Variants in TMEM108 observed in about 807,000 individuals in gnomAD.
TMEM108 encodes the protein cancer/testis antigen 124.
A neutral mutation model predicts 35.1 loss-of-function variants in TMEM108; 12 were observed. That is an observed-to-expected ratio of 0.34 (90% confidence interval 0.22 to 0.55). The LOEUF is 0.55. Ranked by LOEUF, TMEM108 falls within the 20% of genes least tolerant of loss-of-function variation. TMEM108 has a pLI of 0.89. For synonymous variants in TMEM108, 287 were observed against 308.6 expected, an observed-to-expected ratio of 0.93 and a Z score of 0.73; for missense variants, 680 against 753.3, an observed-to-expected ratio of 0.90 and a Z score of 1.14.
chr3:133,371,220 G>A (rs116011376), intron 3 of TMEM108, among the ~76,000 whole-genome samples: 1,741 of 152,242 alleles, frequency 0.011, 41 homozygotes, highest in African/African-American at 0.039. Context: ...ACAAACCACT[G>A]CAAAACATAG....
chr3:133,191,178 T>A (rs1945492431), intron 2 of TMEM108, among the ~76,000 whole-genome samples: 1 of 152,142 alleles, frequency 6.6e-6, no homozygotes, highest in South Asian at 2.1e-4. Flanking sequence ...CTATAAGCAA[T>A]ACAACCATGC....
At chr3:133,158,493 A>G (rs1421940816) in intron 2 of TMEM108, among the ~76,000 whole-genome samples, 1 of 151,688 alleles carries the variant, frequency 6.6e-6, no homozygotes, top group Non-Finnish European at 1.5e-5. Flanking sequence ...AAAAAAAGAA[A>G]AGAAAGAAAT....
chr3:133,345,888 G>A (rs2071803954), intron 3 of TMEM108, among the ~76,000 whole-genome samples: 1 of 151,916 alleles, frequency 6.6e-6, no homozygotes, highest in African/African-American at 2.4e-5. Context: ...GAGTAATACA[G>A]TATGTAGCCT....
intron 2 of TMEM108, among the ~76,000 whole-genome samples, chr3:133,118,043 G>T (rs1944308767): frequency 6.6e-6 from 1 of 152,116 alleles, no homozygotes; most frequent in African/African-American, 2.4e-5. Context: ...AGGTTGTCTG[G>T]TTTTGGGGAG....
At chr3:133,259,695 T>C (rs1054806875) in intron 3 of TMEM108, among the ~76,000 whole-genome samples, 1 of 152,202 alleles carries the variant, frequency 6.6e-6, no homozygotes, top group Non-Finnish European at 1.5e-5. Flanking sequence ...AAGAGTACCT[T>C]TGGGTCCCGA....
Position 133,373,854 on chromosome 3 carries a change from C to T in TMEM108, c.41-5898C>T, listed in dbSNP as rs561690220. Among the ~76,000 whole-genome samples, 4 of 152,228 alleles carry T rather than the reference C, an allele frequency of 2.6e-5. No homozygotes were observed. In the South Asian group the frequency reaches 8.3e-4, roughly 32 times the overall value. Reference sequence around the variant, plus strand: ...AGCAGTAACAATCATTTATTTTGTTCAAAAATCTTAGGGTTGACCAGGCTC... The same window carrying T: ...AGCAGTAACAATCATTTATTTTGTTTAAAAATCTTAGGGTTGACCAGGCTC... On this transcript the variant is annotated intron_variant, in intron 3 of 5. Transcript: ENST00000321871.
chr3:133,202,941 A>G (rs145425608), intron 2 of TMEM108, among the ~76,000 whole-genome samples: 245 of 152,160 alleles, frequency 1.6e-3, no homozygotes, highest in African/African-American at 5.5e-3. Context: ...ATGTTTTTCC[A>G]TTTGTTTGTG....
intron 2 of TMEM108, among the ~76,000 whole-genome samples, chr3:133,133,776 T>C (rs1944525324): frequency 6.6e-6 from 1 of 151,244 alleles, no homozygotes; most frequent in Non-Finnish European, 1.5e-5. Context: ...CTGCAAACTC[T>C]GCCTCCCAGG....
chr3:133,378,601 A>G (rs1194610613), intron 3 of TMEM108: 7 of 946,478 alleles, frequency 7.4e-6, no homozygotes, highest in African/African-American at 1.8e-5. Flanking sequence ...CCTCAGCCGT[A>G]GAGACAGGCT....
chr3:133,246,513 C>A (rs1298548021), intron 3 of TMEM108: 1 of 151,616 alleles, frequency 6.6e-6, no homozygotes, highest in Non-Finnish European at 1.5e-5. Flanking sequence ...ATTCTCACAG[C>A]GTCCACAGAG....
At chr3:133,088,751 G>A (rs934289832) in intron 2 of TMEM108, among the ~76,000 whole-genome samples, 3 of 152,272 alleles carry the variant, frequency 2.0e-5, no homozygotes, top group Middle Eastern at 3.4e-3. Flanking sequence ...AAGAGCTGTG[G>A]CATTATGACA....
chr3:133,202,708 G>A (rs1945688596), intron 2 of TMEM108, among the ~76,000 whole-genome samples: 1 of 152,140 alleles, frequency 6.6e-6, no homozygotes, highest in Admixed American at 6.5e-5. Flanking sequence ...TTGTAGTATA[G>A]TTTGAAGTCA....
At chr3:133,200,820 T>C (rs543166209) in intron 2 of TMEM108, among the ~76,000 whole-genome samples, 202 of 152,352 alleles carry the variant, frequency 1.3e-3, no homozygotes, top group African/African-American at 4.6e-3. Flanking sequence ...CACATGTAGC[T>C]GTTTAAATGT....
intron 3 of TMEM108, among the ~76,000 whole-genome samples, chr3:133,236,157 A>G (rs577247874): frequency 1.8e-4 from 27 of 152,278 alleles, no homozygotes; most frequent in East Asian, 1.7e-3. Flanking sequence ...AGTGTTTGCT[A>G]TACACCCAGA....
At chr3:133,355,861 T>C (rs766680846) in intron 3 of TMEM108, among the ~76,000 whole-genome samples, 36 of 152,188 alleles carry the variant, frequency 2.4e-4, no homozygotes, top group African/African-American at 7.7e-4. Flanking sequence ...CATTGTGACA[T>C]AGTTTAATTG....
chr3:133,096,632 C>T (rs969996650), intron 2 of TMEM108, among the ~76,000 whole-genome samples: 17 of 152,134 alleles, frequency 1.1e-4, no homozygotes, highest in Non-Finnish European at 2.1e-4. Flanking sequence ...TGTGCCTTTC[C>T]TATAATATGT....
At chr3:133,267,008 A>C (rs1379597266) in intron 3 of TMEM108, among the ~76,000 whole-genome samples, 1 of 147,904 alleles carries the variant, frequency 6.8e-6, no homozygotes, top group Admixed American at 6.9e-5. Flanking sequence ...TGAACCCAGG[A>C]GGCGGAGTTT....
At position 133,204,994 on chromosome 3, in the gene TMEM108, G is replaced by T. The variant is rs190064750; in HGVS notation, c.-46-24272G>T. Among the ~76,000 whole-genome samples the T allele has an allele frequency of 3.3e-3, 496 of 152,254 alleles. 4 individuals carry two copies. The highest frequency in any genetic ancestry group is 0.011 in the African/African-American group (477 of 41,532). On this transcript the variant is annotated intron_variant, in intron 2 of 5. Coordinates refer to ENST00000321871, the MANE Select transcript of TMEM108 (RefSeq NM_023943.4). Reference sequence around the variant, plus strand: ...ATGAATCTGGGTGCTCCTGTATTGGGTGCATATATATTTAGGATAGTTAGC... The same window carrying T: ...ATGAATCTGGGTGCTCCTGTATTGGTTGCATATATATTTAGGATAGTTAGC...
chr3:133,256,025 A>T (rs145476820), intron 3 of TMEM108, among the ~76,000 whole-genome samples: 1 of 152,078 alleles, frequency 6.6e-6, no homozygotes, highest in Non-Finnish European at 1.5e-5. Context: ...AACAACAAGA[A>T]CTGCATGCAT....
Sources: allele counts gnomAD v4.1 joint callset (sites outside exome capture counted in the v4.1 genomes callset), GRCh38; gene constraint gnomAD v4.1.1; transcripts MANE v1.5; gene names NCBI Gene and HGNC (gene_info 2026-07-23, HGNC 2026-07-21).